The following RIMS2 variants were observed in gnomAD, a reference collection of about 807,000 sequenced individuals.
RIMS2 encodes the protein regulating synaptic membrane exocytosis protein 2.
In RIMS2, 59 loss-of-function variants were observed where a neutral mutation model predicts 174.4. The observed-to-expected ratio is 0.34, with a 90% CI of 0.27 to 0.42. The LOEUF (loss-of-function observed/expected upper bound fraction) is 0.42. RIMS2 is among the 10% of genes least tolerant of loss of function. The pLI is 1.00. For missense variants in RIMS2, 1,620 were observed against 1,666.3 expected, an observed-to-expected ratio of 0.97 and a Z score of 0.48; for synonymous variants, 606 against 572.5, an observed-to-expected ratio of 1.06 and a Z score of -0.84.
intron 19 of RIMS2, among the ~76,000 whole-genome samples, chr8:104,126,034 T>G (rs2098425832): frequency 6.6e-6 from 1 of 152,144 alleles, no homozygotes; most frequent in South Asian, 2.1e-4. Context: ...GTTGGCTGAC[T>G]TAGGTTTCTT....
At chr8:103,716,529 T>TC (rs1436026905) in intron 2 of RIMS2, among the ~76,000 whole-genome samples, 1 of 152,030 alleles carries the variant, frequency 6.6e-6, no homozygotes, top group East Asian at 1.9e-4. Flanking sequence ...TCATATATTA[T>TC]AGATGAAAAG....
intron 1 of RIMS2, among the ~76,000 whole-genome samples, chr8:103,561,675 C>G (rs1266784639): frequency 1.3e-5 from 2 of 152,168 alleles, no homozygotes. Flanking sequence ...AGCTTCTTGA[C>G]AGCCATAAAA....
chr8:104,165,177 CACTA>C (rs1158186127), intron 19 of RIMS2, among the ~76,000 whole-genome samples: 1 of 152,144 alleles, frequency 6.6e-6, no homozygotes, highest in Non-Finnish European at 1.5e-5. Flanking sequence ...GAATTAATCC[CACTA>C]ACTGTCGAAT....
intron 2 of RIMS2, among the ~76,000 whole-genome samples, chr8:103,736,926 C>G (rs1271236976): frequency 6.6e-6 from 1 of 151,996 alleles, no homozygotes; most frequent in Admixed American, 6.6e-5. Flanking sequence ...GATCAGCCAT[C>G]TATTTTATCT....
intron 1 of RIMS2, among the ~76,000 whole-genome samples, chr8:103,642,315 G>C (rs1370363393): frequency 6.6e-6 from 1 of 152,052 alleles, no homozygotes; most frequent in East Asian, 1.9e-4. Context: ...CTTCACAAAT[G>C]ATGTAAACCT....
intron 19 of RIMS2, among the ~76,000 whole-genome samples, chr8:104,167,572 T>G (rs1304281804): frequency 6.6e-6 from 1 of 152,180 alleles, no homozygotes; most frequent in Non-Finnish European, 1.5e-5. Flanking sequence ...GTCTGGATAT[T>G]AGTCCTTTGT....
intron 4 of RIMS2, among the ~76,000 whole-genome samples, chr8:103,896,413 G>A (rs2099278060): frequency 6.6e-6 from 1 of 151,560 alleles, no homozygotes; most frequent in South Asian, 2.1e-4. Flanking sequence ...TAGGTAAGAA[G>A]GTAACATATA....
intron 1 of RIMS2, among the ~76,000 whole-genome samples, chr8:103,689,139 C>T (rs7014867): frequency 0.18 from 26,899 of 152,006 alleles, 2,586 homozygotes; most frequent in African/African-American, 0.24. Flanking sequence ...TATTGTTTAA[C>T]TTCCATGTGT....
chr8:103,629,206 A>G (rs930304432), intron 1 of RIMS2, among the ~76,000 whole-genome samples: 1 of 152,222 alleles, frequency 6.6e-6, no homozygotes, highest in Non-Finnish European at 1.5e-5. Flanking sequence ...TGATGCAATA[A>G]TGAGCCAGAA....
intron 3 of RIMS2, among the ~76,000 whole-genome samples, chr8:103,821,937 T>G (rs940322431): frequency 6.6e-6 from 1 of 151,676 alleles, no homozygotes; most frequent in East Asian, 1.9e-4. Flanking sequence ...TGTGATCTTC[T>G]TAAGCATCAA....
intron 19 of RIMS2, among the ~76,000 whole-genome samples, chr8:104,120,287 T>C (rs993421007): frequency 1.3e-5 from 2 of 152,190 alleles, no homozygotes; most frequent in African/African-American, 4.8e-5. Context: ...CATAGAAAAG[T>C]GAATACTTAA....
intron 2 of RIMS2, among the ~76,000 whole-genome samples, chr8:103,738,050 A>G (rs2097709504): frequency 1.3e-5 from 2 of 152,202 alleles, no homozygotes; most frequent in African/African-American, 4.8e-5. Flanking sequence ...CTGTGTTTCT[A>G]ATAAGTAGCA....
rs2095828102 is a variant in RIMS2 at position 104,013,761 on chromosome 8, A to T, written c.3224+140A>T. 11 of 643,174 alleles carry T rather than the reference A, an allele frequency of 1.7e-5. 1 individual carries two copies. Among genetic ancestry groups the T allele is most frequent in the Middle Eastern group, 5.5e-4 (2 of 3,638 alleles). The allele number at this position is 643,174 out of a possible 1,614,324, so 39.8% of individuals were successfully genotyped here. On this transcript the variant is annotated intron_variant, in intron 18 of 23. Coordinates refer to ENST00000504942, the Ensembl canonical transcript of RIMS2. ...CGATACTAACCTTTTCAATGTAAAC[A>T]CACTATTTATATTCACTGGATATAA... is the stretch of plus-strand genomic sequence containing the variant.
At chr8:103,826,957 T>C (rs1188166525) in intron 3 of RIMS2, among the ~76,000 whole-genome samples, 1 of 152,110 alleles carries the variant, frequency 6.6e-6, no homozygotes, top group Admixed American at 6.6e-5. Flanking sequence ...ATTACAGGCA[T>C]GAGCCACTAT....
intron 1 of RIMS2, among the ~76,000 whole-genome samples, chr8:103,606,493 G>A (rs142828949): frequency 0.35 from 53,774 of 151,934 alleles, 10,208 homozygotes; most frequent in East Asian, 0.77. Flanking sequence ...TTGTGGTGGA[G>A]AGTTCTGTAG....
chr8:104,074,478 T>C (rs2097254692), intron 19 of RIMS2, among the ~76,000 whole-genome samples: 1 of 152,138 alleles, frequency 6.6e-6, no homozygotes, highest in Admixed American at 6.6e-5. Flanking sequence ...GCAAATATAA[T>C]AATAGACACC....
chr8:104,138,299 G>A (rs1197150722), intron 19 of RIMS2, among the ~76,000 whole-genome samples: 2 of 152,028 alleles, frequency 1.3e-5, no homozygotes, highest in Admixed American at 6.6e-5. Context: ...TCTCACAGTG[G>A]GATTTCTGGA....
intron 1 of RIMS2, among the ~76,000 whole-genome samples, chr8:103,541,688 G>A (rs983914472): frequency 9.2e-5 from 14 of 152,094 alleles, no homozygotes; most frequent in African/African-American, 2.9e-4. Flanking sequence ...TGTGTAAATC[G>A]CTTATAGCTT....
chr8:103,527,327 A>C (rs1047382325), intron 1 of RIMS2, among the ~76,000 whole-genome samples: 1 of 152,212 alleles, frequency 6.6e-6, no homozygotes, highest in South Asian at 2.1e-4. Flanking sequence ...CATGTTTCTA[A>C]TATAAAATTG....
Sources: allele counts gnomAD v4.1 joint callset (sites outside exome capture counted in the v4.1 genomes callset), GRCh38; gene constraint gnomAD v4.1.1; transcripts MANE v1.5; gene names NCBI Gene and HGNC (gene_info 2026-07-23, HGNC 2026-07-21).